RDH11: variants seen among roughly 807,000 people sequenced by gnomAD.
RDH11 encodes retinol dehydrogenase 11.
In RDH11, 19 loss-of-function variants were observed where a neutral mutation model predicts 33.4. The ratio of observed to expected loss-of-function variants is 0.57; its 90% CI spans 0.40 to 0.83. The LOEUF (loss-of-function observed/expected upper bound fraction) is 0.83. Ranked by LOEUF, RDH11 falls within the 40% of genes least tolerant of loss-of-function variation. RDH11 has a pLI of 0.00. For synonymous variants in RDH11, 154 were observed against 155.3 expected (o/e 0.99, Z 0.06); for missense variants, 353 against 389.0 (o/e 0.91, Z 0.78).
chr14:67,693,349 A>G (rs2037779143), intron 1 of RDH11, among the ~76,000 whole-genome samples: 1 of 152,188 alleles, frequency 6.6e-6, no homozygotes, highest in Admixed American at 6.5e-5. Context: ...TGAGCTCTCT[A>G]AGGCACTTGT....
chr14:67,695,610 G>A lies in RDH11; in HGVS notation c.74+20C>T, dbSNP rs76372193. On this transcript the variant is annotated intron_variant, in intron 1 of 6. Transcript: ENST00000381346. ...CCCGCAACAAGAATTCTCAAGAGAA[G>A]GCAATACATTTGCACAGACCTGATT... 2 of 1,604,892 alleles carry A rather than the reference G, an allele frequency of 1.2e-6. No homozygotes were observed. Among genetic ancestry groups the A allele is most frequent in the South Asian group, 2.2e-5 (2 of 90,260 alleles).
chr14:67,677,362 G>GGT lies in RDH11; in HGVS notation c.*958_*959insAC, dbSNP rs1491192256. 1 of 26,278 alleles carries GGT rather than the reference G, an allele frequency of 3.8e-5. No individual in the cohort carries two copies. The highest frequency in any genetic ancestry group is 1.1e-4 in the African/African-American group (1 of 9,230). The allele number at this position is 26,278 out of a possible 1,614,324, so 1.6% of individuals were successfully genotyped here. A position where few individuals can be genotyped will look rare whatever the true frequency, so the allele number is the denominator to read the frequency against. On this transcript the variant is annotated 3_prime_UTR_variant, in exon 7 of 7. Transcript: ENST00000381346. ...GTTTTTTTTGTTTGTTTGTTTTTAG[G>GGT]ATTTTTTTTTTTTTTTTTTTTTTTT...
chr14:67,694,221 C>T (rs2037793570), intron 1 of RDH11, among the ~76,000 whole-genome samples: 1 of 152,046 alleles, frequency 6.6e-6, no homozygotes, highest in Admixed American at 6.6e-5. Flanking sequence ...CTCATGGTCC[C>T]CACAAACCAT....
chr14:67,693,429 A>G (rs892367542), intron 1 of RDH11, among the ~76,000 whole-genome samples: 40 of 152,240 alleles, frequency 2.6e-4, no homozygotes, highest in Non-Finnish European at 2.9e-4. Flanking sequence ...TCTGTCCACA[A>G]CTGGCATTTT....
chr14:67,693,651 C>CT (rs368006456), intron 1 of RDH11, among the ~76,000 whole-genome samples: 9,916 of 142,248 alleles, frequency 0.07, 635 homozygotes, highest in South Asian at 0.24. Flanking sequence ...TTCTCTTTCT[C>CT]TTTTTTTTTT....
Position 67,690,280 on chromosome 14 carries a change from C to A in RDH11, c.596G>T (p.Gly199Val). 6.2e-7 allele frequency: 1 copy of A among 1,614,144 alleles called. No homozygotes were observed. Among genetic ancestry groups the A allele is most frequent in the Non-Finnish European group, 8.5e-7 (1 of 1,180,024 alleles). ...TAGCTTGCTGTGACAGTAGGCCAGG[C>A]CTGCATTGTAGAATTTCTCGCCCTG... ...NLQGEKFYNA[G>V]LAYCHSKLAN... Residue 199 changes from glycine to valine, a missense_variant, in exon 5 of 7, where the codon GGC becomes GTC. Coordinates refer to ENST00000381346, the MANE Select transcript of RDH11 (RefSeq NM_016026.4).
chr14:67,689,073 C>T (rs998673214), intron 5 of RDH11, among the ~76,000 whole-genome samples: 5 of 152,194 alleles, frequency 3.3e-5, no homozygotes, highest in African/African-American at 1.2e-4. Context: ...CACCACTGGA[C>T]CCATCTTTCC....
chr14:67,689,912 T>C (rs1027941135), intron 5 of RDH11, among the ~76,000 whole-genome samples: 5 of 151,628 alleles, frequency 3.3e-5, no homozygotes, highest in African/African-American at 1.2e-4. Flanking sequence ...ACCATTGCAC[T>C]CCAGCATGGG....
rs1374866393 is a variant in RDH11 at position 67,691,283 on chromosome 14, C to G, written c.350-39G>C. ...ACGATGGAGCGTGGAAGTGGCTAGC[C>G]AAGGCTATTACATCTTAGAAAGCTG... On this transcript the variant is annotated intron_variant, in intron 3 of 6. Coordinates refer to ENST00000381346, the MANE Select transcript of RDH11 (RefSeq NM_016026.4). 4.8e-6 allele frequency: 7 copies of G among 1,449,032 alleles called. No individual in the cohort carries two copies. In the East Asian group the frequency reaches 1.6e-4, roughly 33 times the overall value. The allele number at this position is 1,449,032 out of a possible 1,614,324, so 89.8% of individuals were successfully genotyped here. A position where few individuals can be genotyped will look rare whatever the true frequency, so the allele number is the denominator to read the frequency against.
intron 6 of RDH11, among the ~76,000 whole-genome samples, chr14:67,682,845 T>C (rs1024453864): frequency 6.6e-6 from 1 of 152,230 alleles, no homozygotes; most frequent in African/African-American, 2.4e-5. Flanking sequence ...CATCACCTGA[T>C]GAATGAATAA....
chr14:67,695,391 A>C (rs2037817431), intron 1 of RDH11, among the ~76,000 whole-genome samples: 1 of 152,060 alleles, frequency 6.6e-6, no homozygotes, highest in Non-Finnish European at 1.5e-5. Context: ...ACAAAAGAAA[A>C]ACAGGCCAGG....
intron 5 of RDH11, among the ~76,000 whole-genome samples, chr14:67,688,461 T>C (rs1459224490): frequency 6.6e-6 from 1 of 152,154 alleles, no homozygotes; most frequent in African/African-American, 2.4e-5. Context: ...CATATGTAAA[T>C]GCATAGGAAA....
In RDH11 at chr14:67,693,038, C is replaced by T; in HGVS notation, c.89G>A (p.Ser30Asn). The change falls in exon 2 of 7, where the codon AGT (serine) becomes AAT (asparagine). Residue 30 changes from serine to asparagine, a missense_variant. Physicochemically the swap from Ser to Asn is conservative, Grantham distance 46. Coordinates refer to ENST00000381346, the MANE Select transcript of RDH11 (RefSeq NM_016026.4). ...AAPQIRKMLS[S>N]GVCTSTVQLP... ...CTGAACAGTTGATGTACACACCCCA[C>T]TGGACAGCATTTTCCTGCAGACAGA... The T allele has an allele frequency of 6.2e-7, 1 of 1,612,808 alleles. No individual in the cohort carries two copies. Among genetic ancestry groups the T allele is most frequent in the Non-Finnish European group, 8.5e-7 (1 of 1,179,106 alleles).
intron 1 of RDH11, among the ~76,000 whole-genome samples, chr14:67,695,106 C>T (rs1194039454): frequency 6.6e-6 from 1 of 152,220 alleles, no homozygotes; most frequent in South Asian, 2.1e-4. Context: ...AAACACTCTT[C>T]CTTTTCACTT....
rs1466003256 is a variant in RDH11 at position 67,678,245 on chromosome 14, T to G, written c.*76A>C. The G allele has an allele frequency of 4.0e-6, 4 of 1,012,052 alleles. No homozygotes were observed. The Admixed American group carries it at 7.4e-5, about 19-fold the overall frequency. 62.7% of individuals were successfully genotyped at this position (1,012,052 alleles called of 1,614,324 possible). ...TTTGTGCTAAAGGTTTTGAAAACCT[T>G]GAAGGAGAATCATTTTGACAAGAAG... On this transcript the variant is annotated 3_prime_UTR_variant, in exon 7 of 7. Coordinates refer to ENST00000381346, the MANE Select transcript of RDH11 (RefSeq NM_016026.4).
chr14:67,678,562 T>A (rs1018471137), intron 6 of RDH11, 139 bp from the exon 7 acceptor site: 3 of 584,876 alleles, frequency 5.1e-6, no homozygotes, highest in African/African-American at 3.7e-5. Flanking sequence ...TTTGTCCTTA[T>A]CTCTTCATTC....
intron 6 of RDH11, among the ~76,000 whole-genome samples, chr14:67,680,887 G>GTATTGTA (rs1322692431): frequency 6.6e-6 from 1 of 152,222 alleles, no homozygotes; most frequent in African/African-American, 2.4e-5. Context: ...CAATGCTATA[G>GTATTGTA]TAATCAAGAT....
At chr14:67,692,397 C>T (rs2037760974) in intron 3 of RDH11, 41 bp downstream of exon 3, 1 of 1,607,200 alleles carries the variant, frequency 6.2e-7, no homozygotes, top group Non-Finnish European at 8.5e-7. Flanking sequence ...GCCATGTTGA[C>T]CTCAAGACCC....
intron 6 of RDH11, among the ~76,000 whole-genome samples, chr14:67,682,357 A>G (rs1016235756): frequency 4.6e-5 from 7 of 152,174 alleles, no homozygotes; most frequent in African/African-American, 1.4e-4. Context: ...TGCAAATTAT[A>G]TATCTGACAA....
Sources: gnomAD v4.1 joint callset for allele counts (sites outside exome capture counted in the v4.1 genomes callset) on GRCh38, gnomAD v4.1.1 for gene constraint, MANE v1.5 for transcripts, NCBI Gene and HGNC (gene_info 2026-07-23, HGNC 2026-07-21) for gene names.